The following SHANK2 variants were observed in gnomAD, a reference collection of about 807,000 sequenced individuals.
The protein encoded by SHANK2 is SH3 and multiple ankyrin repeat domains 2.
Under a neutral mutation model 133.7 loss-of-function variants are expected in SHANK2, and 43 were observed. The observed-to-expected ratio is 0.32, with a 90% CI of 0.25 to 0.41. The LOEUF (loss-of-function observed/expected upper bound fraction) is 0.41, where lower values mean the gene tolerates loss of function less well. Among genes scored for constraint, SHANK2 ranks in the 10% least tolerant of loss-of-function variants. The pLI, the probability that SHANK2 is intolerant of heterozygous loss-of-function variation, is 1.00. For missense variants in SHANK2, 1,994 were observed against 2,235.8 expected (o/e 0.89, Z 2.18); for synonymous variants, 1,017 against 952.8 (o/e 1.07, Z -1.24).
At chr11:70,737,429 G>T (rs569160514) in intron 14 of SHANK2, among the ~76,000 whole-genome samples, 21 of 152,280 alleles carry the variant, frequency 1.4e-4, no homozygotes, top group Admixed American at 1.1e-3. Flanking sequence ...CAGCCCCCAG[G>T]TGGCCTGGCC....
At chr11:70,656,692 C>G (rs2061409847) in intron 17 of SHANK2, among the ~76,000 whole-genome samples, 1 of 152,200 alleles carries the variant, frequency 6.6e-6, no homozygotes, top group Non-Finnish European at 1.5e-5. Context: ...ATTCACTTAT[C>G]TTTCACGTCC....
At chr11:70,591,556 G>GAAAAAGA (rs2060321562) in intron 17 of SHANK2, among the ~76,000 whole-genome samples, 1 of 150,414 alleles carries the variant, frequency 6.6e-6, no homozygotes, top group African/African-American at 2.4e-5. Flanking sequence ...AAAAGAAAAA[G>GAAAAAGA]AAAAAAAAAG....
intron 17 of SHANK2, among the ~76,000 whole-genome samples, chr11:70,624,668 A>T (rs1320471646): frequency 6.6e-6 from 1 of 152,182 alleles, no homozygotes; most frequent in African/African-American, 2.4e-5. Flanking sequence ...GTCTGGAGAC[A>T]TTCTTGGTTT....
intron 14 of SHANK2, among the ~76,000 whole-genome samples, chr11:70,704,822 C>A (rs1371947617): frequency 6.6e-5 from 10 of 152,342 alleles, no homozygotes; most frequent in Admixed American, 5.9e-4. Flanking sequence ...TAATCAAATA[C>A]TTCTGGCTTT....
chr11:70,713,152 C>T (rs1210543134), intron 14 of SHANK2, among the ~76,000 whole-genome samples: 1 of 152,254 alleles, frequency 6.6e-6, no homozygotes, highest in Non-Finnish European at 1.5e-5. Context: ...GGGTCCTCAG[C>T]ACTCTGACAC....
chr11:70,757,659 A>C (rs1192212699), intron 14 of SHANK2, among the ~76,000 whole-genome samples: 1 of 152,166 alleles, frequency 6.6e-6, no homozygotes, highest in Admixed American at 6.5e-5. Flanking sequence ...TGTCCCCTCA[A>C]GGAGAGAGGG....
rs782689135 is a variant in SHANK2 at position 70,676,131 on chromosome 11, G to A, written c.1854-14453C>T. ...AGAGGACCTTAATGCTGTCCCTCAC[G>A]TGACACTGTGTGCTTAGAGGGAGGG... On this transcript the variant is annotated intron_variant, in intron 15 of 25. Coordinates refer to ENST00000601538, the MANE Select transcript of SHANK2 (RefSeq NM_012309.5). Among the ~76,000 whole-genome samples the A allele has an allele frequency of 1.8e-4, 28 of 152,210 alleles. 1 individual carries two copies. The highest frequency in any genetic ancestry group is 3.2e-4 in the Non-Finnish European group (22 of 68,044).
At chr11:70,866,802 A>T (rs569770625) in intron 11 of SHANK2, among the ~76,000 whole-genome samples, 1 of 151,712 alleles carries the variant, frequency 6.6e-6, no homozygotes, top group East Asian at 2.1e-4. Context: ...CCATTTCCCT[A>T]AGGAAACATT....
Position 70,473,609 on chromosome 11 carries a change from G to A in SHANK2, c.4980-170C>T. The A allele has an allele frequency of 1.4e-6, 1 of 723,832 alleles. No homozygotes were observed. The highest frequency in any genetic ancestry group is 1.5e-5 in the South Asian group (1 of 66,268). 44.8% of individuals were successfully genotyped at this position (723,832 alleles called of 1,614,324 possible). A position where few individuals can be genotyped will look rare whatever the true frequency, so the allele number is the denominator to read the frequency against. ...TTGCCATGCCAGGGTGGGGGAGGGG[G>A]AGAAAGGGGCCAGAGCAAAGTTGGA... On this transcript the variant is annotated intron_variant, in intron 25 of 25. Coordinates refer to ENST00000601538, the MANE Select transcript of SHANK2 (RefSeq NM_012309.5). This position sits in a 1 kb window ranked among gnomAD's most constrained non-coding sequence, Gnocchi z 5.9.
At chr11:70,821,820 CCTCA>C (rs1948530196) in intron 11 of SHANK2, among the ~76,000 whole-genome samples, 1 of 152,188 alleles carries the variant, frequency 6.6e-6, no homozygotes, top group Non-Finnish European at 1.5e-5. Flanking sequence ...CAATCTCAGT[CCTCA>C]CTAAGAAGGT....
chr11:70,832,454 G>A (rs899674857), intron 11 of SHANK2, among the ~76,000 whole-genome samples: 5 of 152,208 alleles, frequency 3.3e-5, no homozygotes, highest in African/African-American at 1.2e-4. Flanking sequence ...AGCCCTTGGG[G>A]CATGTTGTGG....
chr11:71,149,878 A>G (rs1460422457), intron 2 of SHANK2, among the ~76,000 whole-genome samples: 1 of 70,898 alleles, frequency 1.4e-5, no homozygotes, highest in East Asian at 4.6e-4. Flanking sequence ...AAGGAAGGTG[A>G]GAAGGAAAGA....
intron 17 of SHANK2, among the ~76,000 whole-genome samples, chr11:70,653,911 G>C (rs1164310012): frequency 2.6e-5 from 4 of 152,222 alleles, no homozygotes; most frequent in Non-Finnish European, 4.4e-5. Context: ...TGGAATTACA[G>C]GCATAAGCCA....
chr11:71,156,648 C>T (rs1472562976), intron 2 of SHANK2, among the ~76,000 whole-genome samples: 16 of 152,216 alleles, frequency 1.1e-4, no homozygotes, highest in African/African-American at 3.9e-4. Context: ...TACACATACA[C>T]CCTCCAACCC....
chr11:70,889,573 G>A (rs1247671617), intron 11 of SHANK2, among the ~76,000 whole-genome samples: 2 of 152,264 alleles, frequency 1.3e-5, no homozygotes, highest in African/African-American at 2.4e-5. Context: ...CGTCCGGCAT[G>A]AGAACCACCA....
intron 17 of SHANK2, among the ~76,000 whole-genome samples, chr11:70,562,509 A>G (rs1007105266): frequency 2.0e-4 from 31 of 152,236 alleles, no homozygotes; most frequent in Non-Finnish European, 4.4e-4. Context: ...CCCTTTTACC[A>G]TAATGAAATA....
chr11:70,744,716 G>A (rs911514347), intron 14 of SHANK2, among the ~76,000 whole-genome samples: 3 of 152,198 alleles, frequency 2.0e-5, no homozygotes, highest in South Asian at 2.1e-4. Context: ...CTAGGACATC[G>A]CACAGCCAGA....
chr11:71,244,668 C>T (rs1315804202), intron 1 of SHANK2, among the ~76,000 whole-genome samples: 2 of 152,172 alleles, frequency 1.3e-5, no homozygotes, highest in Non-Finnish European at 2.9e-5. Context: ...AAAAAGACCA[C>T]AAAAATGTTA....
chr11:70,879,298 A>G (rs1949619780), intron 11 of SHANK2, among the ~76,000 whole-genome samples: 3 of 152,260 alleles, frequency 2.0e-5, no homozygotes, highest in Admixed American at 2.0e-4. Context: ...TATTAGAACC[A>G]GAATTAGAAA....
Sources: gnomAD v4.1 joint callset for allele counts (sites outside exome capture counted in the v4.1 genomes callset) on GRCh38, gnomAD v4.1.1 for gene constraint, Gnocchi (gnomAD v3.1) non-coding constraint, MANE v1.5 for transcripts, NCBI Gene and HGNC (gene_info 2026-07-23, HGNC 2026-07-21) for gene names.